Variants in TNRC6A observed in about 807,000 individuals in gnomAD.
TNRC6A encodes trinucleotide repeat containing adaptor 6A, also known as trinucleotide repeat-containing gene 6A protein.
Under a neutral mutation model 221.2 loss-of-function variants are expected in TNRC6A, and 44 were observed. The ratio of observed to expected loss-of-function variants is 0.20; its 90% CI spans 0.16 to 0.26. The LOEUF is 0.26. Among genes scored for constraint, TNRC6A ranks in the 10% least tolerant of loss-of-function variants. The pLI, the probability that TNRC6A is intolerant of heterozygous loss-of-function variation, is 1.00. For missense variants in TNRC6A, 2,199 were observed against 2,404.4 expected, an observed-to-expected ratio of 0.91 and a Z score of 1.79; for synonymous variants, 847 against 838.5, an observed-to-expected ratio of 1.01 and a Z score of -0.18.
intron 6 of TNRC6A, among the ~76,000 whole-genome samples, chr16:24,792,601 A>T (rs2058128209): frequency 1.5e-5 from 2 of 137,630 alleles, no homozygotes; most frequent in South Asian, 4.6e-4. Context: ...TTTTTTAATG[A>T]AACATTTATG....
intron 11 of TNRC6A, among the ~76,000 whole-genome samples, chr16:24,799,069 G>C (rs2058278474): frequency 6.6e-6 from 1 of 152,236 alleles, no homozygotes; most frequent in Admixed American, 6.5e-5. Flanking sequence ...CATGCTGGTA[G>C]ATGCTGCCAA....
At chr16:24,678,310 CAA>C (rs35383022) in intron 2 of TNRC6A, among the ~76,000 whole-genome samples, 52 of 84,544 alleles carry the variant, frequency 6.2e-4, no homozygotes, top group Admixed American at 1.3e-3. Context: ...GACCCTGTCT[CAA>C]AAAAAAAAAA....
At chr16:24,698,560 A>C (rs56024753) in intron 2 of TNRC6A, among the ~76,000 whole-genome samples, 7,675 of 152,236 alleles carry the variant, frequency 0.05, 294 homozygotes, top group South Asian at 0.078. Context: ...TCCTTGGCAG[A>C]GTTAGGAATC....
At chr16:24,753,228 T>G (rs1163967991) in intron 3 of TNRC6A, among the ~76,000 whole-genome samples, 2 of 152,216 alleles carry the variant, frequency 1.3e-5, no homozygotes, top group Admixed American at 6.5e-5. Flanking sequence ...CATTCCTGTC[T>G]CACCCCATGG....
At chr16:24,769,639 C>T (rs900101477) in intron 4 of TNRC6A, among the ~76,000 whole-genome samples, 1 of 152,150 alleles carries the variant, frequency 6.6e-6, no homozygotes, top group African/African-American at 2.4e-5. Context: ...TGGTCTTGTC[C>T]TGCTCTCTCC....
rs2058041957 is a variant in TNRC6A at position 24,789,263 on chromosome 16, T to C, written c.621T>C (p.Tyr207=). 3 of 1,609,274 alleles carry C rather than the reference T, an allele frequency of 1.9e-6. No homozygotes were observed. Among genetic ancestry groups the C allele is most frequent in the Non-Finnish European group, 2.5e-6 (3 of 1,177,450 alleles). The part of the protein sequence containing the change: ...DINHSTSGSH[Y]ENSQRGPVSS... ...ACCACAGTACTTCAGGATCCCATTA[T>C]GAAAATTCCCAGCGGGGACCTGTGT... is the stretch of plus-strand genomic sequence containing the variant. The change falls in exon 6 of 25, where the codon TAT becomes TAC. Residue 207 remains tyrosine (Y), a synonymous_variant. Coordinates refer to ENST00000395799, the MANE Select transcript of TNRC6A (RefSeq NM_014494.4).
In TNRC6A at chr16:24,789,598, C is replaced by A. The variant is rs147262497; in HGVS notation, c.956C>A (p.Ala319Asp). ...STGPWGFSHG[A>D]IISTCQVSVD... ...GGGCCATGGGGTTTTTCCCATGGAG[C>A]CATAATAAGCACATGTCAGGTCTCT... The change falls in exon 6 of 25, where the codon GCC (alanine) becomes GAC (aspartate). Residue 319 changes from alanine (A) to aspartate (D), a missense_variant. Coordinates refer to ENST00000395799, the MANE Select transcript of TNRC6A (RefSeq NM_014494.4). 209 of 1,613,832 alleles carry A rather than the reference C, an allele frequency of 1.3e-4. No individual in the cohort carries two copies. Among genetic ancestry groups the A allele is most frequent in the Non-Finnish European group, 1.7e-4 (196 of 1,179,992 alleles).
At chr16:24,655,518 G>A (rs533873087) in intron 2 of TNRC6A, among the ~76,000 whole-genome samples, 35 of 151,982 alleles carry the variant, frequency 2.3e-4, no homozygotes, top group East Asian at 1.2e-3. Flanking sequence ...GTGAAACCCC[G>A]TCTCTACTAA....
chr16:24,776,895 G>A (rs1302371572), intron 4 of TNRC6A, 38 bp from the exon 5 acceptor site: 2 of 1,585,414 alleles, frequency 1.3e-6, no homozygotes, highest in Non-Finnish European at 1.7e-6. Flanking sequence ...CACTTTACTG[G>A]CTAATCTTTT....
In TNRC6A at chr16:24,824,407, A is replaced by G. The variant is rs1309777551; in HGVS notation, c.*600A>G. The G allele has an allele frequency of 6.6e-6, 1 of 152,476 alleles. No homozygotes were observed. Among genetic ancestry groups the G allele is most frequent in the African/African-American group, 2.4e-5 (1 of 41,384 alleles). 9.4% of individuals were successfully genotyped at this position (152,476 alleles called of 1,614,324 possible). On this transcript the variant is annotated 3_prime_UTR_variant, in exon 25 of 25. Transcript: ENST00000395799. ...ATGAAAGTGTTGCACCAGTTTTTTCATGTTGTAAAACTAAAGAATTTCGCT... is the reference window on the plus strand; with the variant it reads ...ATGAAAGTGTTGCACCAGTTTTTTCGTGTTGTAAAACTAAAGAATTTCGCT...
At chr16:24,726,683 A>T (rs1851809068), upstream of TNRC6A, among the ~76,000 whole-genome samples, 1 of 152,180 alleles carries the variant, frequency 6.6e-6, no homozygotes, top group Non-Finnish European at 1.5e-5. Context: ...GAGAGCAGAA[A>T]AATGGAGCTG....
chr16:24,703,193 C>G (rs2056024384), intron 2 of TNRC6A, among the ~76,000 whole-genome samples: 1 of 151,844 alleles, frequency 6.6e-6, no homozygotes, highest in African/African-American at 2.4e-5. Flanking sequence ...ACTATCACCC[C>G]CATCTCCTGA....
At chr16:24,803,452 G>A (rs1310192237) in intron 11 of TNRC6A, 1 of 151,834 alleles carries the variant, frequency 6.6e-6, no homozygotes, top group African/African-American at 2.4e-5. Flanking sequence ...CACTTATAAT[G>A]GCGACTGACA....
intron 18 of TNRC6A, among the ~76,000 whole-genome samples, chr16:24,813,224 G>T (rs1477745465): frequency 1.3e-5 from 2 of 152,028 alleles, no homozygotes; most frequent in South Asian, 4.2e-4. Context: ...TTTTATACAG[G>T]TATATTGCAT....
rs150174727 is a variant in TNRC6A, at chr16:24,824,278, T to C, written c.*471T>C. 6.5e-6 allele frequency: 1 copy of C among 152,834 alleles called. No individual in the cohort carries two copies. The highest frequency in any genetic ancestry group is 2.4e-5 in the African/African-American group (1 of 41,540). 9.5% of individuals were successfully genotyped at this position (152,834 alleles called of 1,614,324 possible). A position where few individuals can be genotyped will look rare whatever the true frequency, so the allele number is the denominator to read the frequency against. ...CAGTGTCAATGTTTACTCAAGGGTG[T>C]TCTTAGGAGGCGTGCGCTCTCTACT... On this transcript the variant is annotated 3_prime_UTR_variant, in exon 25 of 25. Coordinates refer to ENST00000395799, the MANE Select transcript of TNRC6A (RefSeq NM_014494.4).
chr16:24,731,511 TAA>T (rs2056641432), intron 2 of TNRC6A, among the ~76,000 whole-genome samples: 1 of 152,188 alleles, frequency 6.6e-6, no homozygotes, highest in Non-Finnish European at 1.5e-5. Context: ...TAAAGGAAAT[TAA>T]GTCTGACATC....
At chr16:24,642,746 G>A in intron 2 of TNRC6A, among the ~76,000 whole-genome samples, 1 of 152,068 alleles carries the variant, frequency 6.6e-6, no homozygotes, top group South Asian at 2.1e-4. Flanking sequence ...CTTGAACCCG[G>A]AAGGTGGAGG....
upstream of TNRC6A, among the ~76,000 whole-genome samples, chr16:24,725,905 C>A (rs1332215163): frequency 6.6e-6 from 1 of 151,256 alleles, no homozygotes; most frequent in Non-Finnish European, 1.5e-5. Context: ...GAGGCTGAAG[C>A]AAGGGAATCG....
At chr16:24,759,962 C>T (rs912037698) in intron 4 of TNRC6A, among the ~76,000 whole-genome samples, 1 of 152,004 alleles carries the variant, frequency 6.6e-6, no homozygotes, top group African/African-American at 2.4e-5. Flanking sequence ...TTTTCCCCAC[C>T]CCTCTCCCCC....
Sources: allele counts gnomAD v4.1 joint callset (sites outside exome capture counted in the v4.1 genomes callset), GRCh38; gene constraint gnomAD v4.1.1; transcripts MANE v1.5; gene names NCBI Gene and HGNC (gene_info 2026-07-23, HGNC 2026-07-21).